Variants in C1orf167 observed in about 807,000 individuals in gnomAD.
The protein encoded by C1orf167 is chromosome 1 open reading frame 167.
In C1orf167, 153 loss-of-function variants were observed where a neutral mutation model predicts 176.5. The observed-to-expected ratio is 0.87, with a 90% CI of 0.76 to 0.99. The LOEUF (loss-of-function observed/expected upper bound fraction) is 0.99. Among genes scored for constraint, C1orf167 ranks in the 50% least tolerant of loss-of-function variants. C1orf167 has a pLI of 0.00. For synonymous variants in C1orf167, 594 were observed against 752.7 expected, an observed-to-expected ratio of 0.79 and a Z score of 3.45; for missense variants, 1,490 against 1,817.7, an observed-to-expected ratio of 0.82 and a Z score of 3.28.
rs769466394 is a variant in C1orf167, at chr1:11,762,252, C to A, written c.-124C>A. The A allele has an allele frequency of 8.6e-5, 37 of 432,486 alleles. No homozygotes were observed. The highest frequency in any genetic ancestry group is 5.5e-4 in the South Asian group (34 of 61,880). 26.8% of individuals were successfully genotyped at this position (432,486 alleles called of 1,614,324 possible). A position where few individuals can be genotyped will look rare whatever the true frequency, so the allele number is the denominator to read the frequency against. On this transcript the variant is annotated 5_prime_UTR_variant, in exon 1 of 21. Transcript: ENST00000688073. ...GGGGATCGTTAGCGGTCCCAGCCCC[C>A]GTCTAGATTCAAATCCGACTGGGTG...
chr1:11,772,578 T>C (rs1436345536), intron 8 of C1orf167, among the ~76,000 whole-genome samples: 3 of 152,188 alleles, frequency 2.0e-5, no homozygotes, highest in Non-Finnish European at 2.9e-5. Flanking sequence ...CCACTTCCCT[T>C]TAAGTCAGCT....
Position 11,776,560 on chromosome 1 carries a change from A to G in C1orf167, c.2261A>G (p.Gln754Arg), listed in dbSNP as rs1302844067. The change falls in exon 10 of 21, where the codon CAG (glutamine) becomes CGG (arginine). Residue 754 changes from glutamine (Q) to arginine (R), a missense_variant. Gln to Arg is a conservative substitution (Grantham distance 43, BLOSUM62 1). Transcript: ENST00000688073. Reference sequence around the variant, plus strand: ...CAGGAGCAAGGCCGGGGCTCCCTGCAGGATGCCTGCTGGACACTGGCCCTC... The same window carrying G: ...CAGGAGCAAGGCCGGGGCTCCCTGCGGGATGCCTGCTGGACACTGGCCCTC... ...GQQEQGRGSL[Q>R]DACWTLALCW... is the part of the protein sequence containing the mutation. 7.9e-6 allele frequency: 10 copies of G among 1,273,382 alleles called. No individual in the cohort carries two copies. Among genetic ancestry groups the G allele is most frequent in the Non-Finnish European group, 9.2e-6 (9 of 975,596 alleles). 78.9% of individuals were successfully genotyped at this position (1,273,382 alleles called of 1,614,324 possible).
At chr1:11,767,651 C>T (rs541168527) in intron 4 of C1orf167, among the ~76,000 whole-genome samples, 5 of 152,058 alleles carry the variant, frequency 3.3e-5, no homozygotes, top group East Asian at 1.9e-4. Flanking sequence ...GGCAAAACCC[C>T]GTCTCTACAA....
chr1:11,784,081 C>G, intron 14 of C1orf167, 93 bp from the exon 15 acceptor site: 1 of 1,138,006 alleles, frequency 8.8e-7, no homozygotes, highest in South Asian at 1.6e-5. Flanking sequence ...TGGTCTCAAA[C>G]TGACTTCAGG....
intron 7 of C1orf167, 44 bp from the exon 8 acceptor site, chr1:11,772,038 T>TCTG: frequency 7.9e-7 from 1 of 1,260,772 alleles, no homozygotes; most frequent in Non-Finnish European, 1.0e-6. Flanking sequence ...GATCCTCCCA[T>TCTG]CTGCTTACTC....
chr1:11,767,122 T>A, intron 3 of C1orf167, 37 bp downstream of exon 3: 1 of 1,157,670 alleles, frequency 8.6e-7, no homozygotes, highest in Non-Finnish European at 1.1e-6. Flanking sequence ...GGGTAGGGGG[T>A]AGGAGGTGTT....
rs553124362 is a variant in C1orf167 at position 11,768,282 on chromosome 1, G to A, written c.1542+7G>A. Reference sequence around the variant, plus strand: ...GGTCCGGAGCTTCCGAGAGGTCAGCGGTCTCCAGGTTGGGCCAGGGGGCCG... The same window carrying A: ...GGTCCGGAGCTTCCGAGAGGTCAGCAGTCTCCAGGTTGGGCCAGGGGGCCG... On this transcript the variant is annotated splice_region_variant and intron_variant, in intron 5 of 20. Coordinates refer to ENST00000688073, the MANE Select transcript of C1orf167 (RefSeq NM_001010881.2). The surrounding 1 kb of genome is among the most constrained non-coding windows in gnomAD (Gnocchi z 4.5). 8.5e-6 allele frequency: 11 copies of A among 1,289,692 alleles called. No individual in the cohort carries two copies. Among genetic ancestry groups the A allele is most frequent in the South Asian group, 1.2e-5 (1 of 80,988 alleles). The allele number at this position is 1,289,692 out of a possible 1,614,324, so 79.9% of individuals were successfully genotyped here.
rs1487542426 is a variant in C1orf167, at chr1:11,764,271, T to TA, written c.-70-59dup. ...TAGGAGTACTGCTAAAGGGAGGAGGTAGGGATCAGAATGGGGTGGGGTTGA... is the reference window on the plus strand; with the variant it reads ...TAGGAGTACTGCTAAAGGGAGGAGGTAAGGGATCAGAATGGGGTGGGGTTGA... On this transcript the variant is annotated intron_variant, in intron 1 of 20. Transcript: ENST00000688073. 139 of 619,462 alleles carry TA rather than the reference T, an allele frequency of 2.2e-4. 2 individuals carry two copies. Among genetic ancestry groups the TA allele is most frequent in the South Asian group, 2.0e-3 (134 of 65,962 alleles). 38.4% of individuals were successfully genotyped at this position (619,462 alleles called of 1,614,324 possible). A position where few individuals can be genotyped will look rare whatever the true frequency, so the allele number is the denominator to read the frequency against.
Position 11,771,665 on chromosome 1 carries a change from G to C in C1orf167, c.1810+29G>C, listed in dbSNP as rs1032381962. The C allele has an allele frequency of 3.9e-6, 5 of 1,280,666 alleles. No individual in the cohort carries two copies. The East Asian group carries it at 2.2e-4, about 57-fold the overall frequency. The allele number at this position is 1,280,666 out of a possible 1,614,324, so 79.3% of individuals were successfully genotyped here. A position where few individuals can be genotyped will look rare whatever the true frequency, so the allele number is the denominator to read the frequency against. On this transcript the variant is annotated intron_variant, in intron 7 of 20. Transcript: ENST00000688073. ...AGACGTGGGGTGCTGGGAAAGCGGG[G>C]AGATGGAGCCTGGCCACGCAGGGCC... is the stretch of plus-strand genomic sequence containing the variant.
intron 8 of C1orf167, among the ~76,000 whole-genome samples, chr1:11,774,575 A>C (rs755756720): frequency 2.0e-5 from 3 of 152,122 alleles, no homozygotes; most frequent in Non-Finnish European, 2.9e-5. Flanking sequence ...AGATCAGAAA[A>C]GGGTAGAGTG....
intron 8 of C1orf167, among the ~76,000 whole-genome samples, chr1:11,772,904 A>ATTATTATTATT (rs1553179317): frequency 2.7e-5 from 4 of 146,426 alleles, no homozygotes; most frequent in Non-Finnish European, 6.0e-5. Flanking sequence ...CATTATTATT[A>ATTATTATTATT]TTATTATTAT....
Position 11,778,697 on chromosome 1 carries a change from C to T in C1orf167, c.2377C>T (p.Arg793Cys), listed in dbSNP as rs1258584035. The change falls in exon 11 of 21, where the codon CGC becomes TGC. Residue 793 changes from arginine to cysteine, a missense_variant. By Grantham distance (180) the Arg-to-Cys change is radical (BLOSUM62 -3). Transcript: ENST00000688073. ...FQGLQQRMLQ[R>C]SLRWWHLRAL... The stretch of plus-strand genomic sequence containing the variant: ...GGGCCTGCAGCAGCGGATGCTGCAG[C>T]GCAGCCTGAGATGGTGGCACTTGAG... 3 of 1,303,246 alleles carry T rather than the reference C, an allele frequency of 2.3e-6. No homozygotes were observed. Among genetic ancestry groups the T allele is most frequent in the East Asian group, 5.6e-5 (1 of 18,000 alleles). 80.7% of individuals were successfully genotyped at this position (1,303,246 alleles called of 1,614,324 possible). A position where few individuals can be genotyped will look rare whatever the true frequency, so the allele number is the denominator to read the frequency against.
Position 11,784,587 on chromosome 1 carries a change from G to A in C1orf167, c.3419G>A (p.Arg1140Gln), listed in dbSNP as rs1198498667. 4.0e-5 allele frequency: 50 copies of A among 1,250,168 alleles called. No homozygotes were observed. The highest frequency in any genetic ancestry group is 5.2e-5 in the Non-Finnish European group (50 of 961,656). The allele number at this position is 1,250,168 out of a possible 1,614,324, so 77.4% of individuals were successfully genotyped here. A position where few individuals can be genotyped will look rare whatever the true frequency, so the allele number is the denominator to read the frequency against. ...VSRAHASWKP[R>Q]AWVLEASVQS... ...CGAGCCCATGCTTCCTGGAAGCCGC[G>A]AGCCTGGTGAGTGCTGTGGTCTAAG... Residue 1140 changes from arginine to glutamine, a missense_variant, in exon 15 of 21, where the codon CGA becomes CAA. Transcript: ENST00000688073.
chr1:11,772,001 C>T (rs1444118154), intron 7 of C1orf167, 81 bp from the exon 8 acceptor site: 2 of 1,124,992 alleles, frequency 1.8e-6, no homozygotes, highest in Non-Finnish European at 2.3e-6. Context: ...ACAGGCACCC[C>T]ACATGTCAGG....
At position 11,764,432 on chromosome 1, in the gene C1orf167, A is replaced by G. The variant is rs1223184397; in HGVS notation, c.32A>G (p.Glu11Gly). The G allele has an allele frequency of 1.6e-6, 2 of 1,289,312 alleles. No homozygotes were observed. The highest frequency in any genetic ancestry group is 5.5e-5 in the East Asian group (1 of 18,040). The allele number at this position is 1,289,312 out of a possible 1,614,324, so 79.9% of individuals were successfully genotyped here. ...CTAAGGTCTGATGCCAGCCACAAGG[A>G]GAATGTGTCCCCAAAGCCTGCAGCG... MELRSDASHK[E>G]NVSPKPAALP... The change falls in exon 2 of 21, where the codon GAG becomes GGG. Residue 11 changes from glutamate to glycine, a missense_variant. By Grantham distance (98) the Glu-to-Gly change is moderately conservative (BLOSUM62 -2). Transcript: ENST00000688073.
intron 2 of C1orf167, among the ~76,000 whole-genome samples, chr1:11,765,437 C>T (rs574095502): frequency 2.6e-5 from 4 of 152,130 alleles, no homozygotes; most frequent in Non-Finnish European, 5.9e-5. Context: ...CTGCCCCCAC[C>T]ACCTCTTTGC....
At position 11,773,289 on chromosome 1, in the gene C1orf167, C is replaced by T. The variant is rs114685147; in HGVS notation, c.1988+1030C>T. ...TCAACAAAATCAGCCTCTCTTGAAG[C>T]TTGTTTCATGTGTACTCCAAATACA... On this transcript the variant is annotated intron_variant, in intron 8 of 20. Coordinates refer to ENST00000688073, the MANE Select transcript of C1orf167 (RefSeq NM_001010881.2). Among the ~76,000 whole-genome samples the T allele has an allele frequency of 9.5e-3, 1,454 of 152,312 alleles. 25 individuals carry two copies. Among genetic ancestry groups the T allele is most frequent in the African/African-American group, 0.033 (1,371 of 41,560 alleles).
rs1642912452 is a variant in C1orf167 at position 11,768,606 on chromosome 1, A to ACT, written c.1542+331_1542+332insCT. Reference sequence around the variant, plus strand: ...GAGATTAAATTAATAAGGGACTCAGAACTCTGCCTAGCATATAGCAAGCTA... The same window carrying ACT: ...GAGATTAAATTAATAAGGGACTCAGACTACTCTGCCTAGCATATAGCAAGCTA... On this transcript the variant is annotated intron_variant, in intron 5 of 20. Transcript: ENST00000688073. The surrounding 1 kb of genome is among the most constrained non-coding windows in gnomAD (Gnocchi z 4.5). 6.6e-6 allele frequency among the ~76,000 whole-genome samples: 1 copy of ACT among 152,138 alleles called. No homozygotes were observed. The highest frequency in any genetic ancestry group is 2.1e-4 in the South Asian group (1 of 4,830).
intron 4 of C1orf167, among the ~76,000 whole-genome samples, chr1:11,767,567 A>C (rs930527362): frequency 1.3e-5 from 2 of 152,136 alleles, no homozygotes; most frequent in African/African-American, 4.8e-5. Flanking sequence ...TCATGCCTGT[A>C]ATCTCAACAC....
Sources: gnomAD v4.1 joint callset for allele counts (sites outside exome capture counted in the v4.1 genomes callset) on GRCh38, gnomAD v4.1.1 for gene constraint, Gnocchi (gnomAD v3.1) non-coding constraint, MANE v1.5 for transcripts, NCBI Gene and HGNC (gene_info 2026-07-23, HGNC 2026-07-21) for gene names.